The following MYO3B variants were observed in gnomAD, a reference collection of about 807,000 sequenced individuals.
MYO3B encodes myosin IIIB.
In MYO3B, 156 loss-of-function variants were observed where a neutral mutation model predicts 174.6. The observed-to-expected ratio is 0.89, with a 90% CI of 0.78 to 1.02. The LOEUF (loss-of-function observed/expected upper bound fraction) is 1.02. Ranked by LOEUF, MYO3B falls within the 50% of genes least tolerant of loss-of-function variation. MYO3B has a pLI of 0.00. For synonymous variants in MYO3B, 563 were observed against 569.1 expected, an observed-to-expected ratio of 0.99 and a Z score of 0.15; for missense variants, 1,632 against 1,639.4, an observed-to-expected ratio of 1.00 and a Z score of 0.08.
rs1230964612 is a variant in MYO3B at position 170,592,674 on chromosome 2, GGCA to G, written c.3733+48688_3733+48690del. ...CTTCACTGACCATAAGGTTCATGAG[GGCA>G]GGGCAGGGATCATGTACATTCTCTT... is the stretch of plus-strand genomic sequence containing the variant. On this transcript the variant is annotated intron_variant, in intron 32 of 34. Transcript: ENST00000408978. 5.3e-5 allele frequency among the ~76,000 whole-genome samples: 8 copies of G among 152,252 alleles called. No individual in the cohort carries two copies. The East Asian group carries it at 1.5e-3, about 29-fold the overall frequency.
intron 7 of MYO3B, among the ~76,000 whole-genome samples, chr2:170,250,588 TG>T (rs1348246604): frequency 1.3e-5 from 2 of 152,220 alleles, no homozygotes; most frequent in African/African-American, 4.8e-5. Context: ...TTGCCATCCA[TG>T]GATGGCTTAA....
intron 22 of MYO3B, among the ~76,000 whole-genome samples, chr2:170,429,250 T>C (rs1275817146): frequency 6.6e-6 from 1 of 152,240 alleles, no homozygotes; most frequent in Non-Finnish European, 1.5e-5. Flanking sequence ...GTAACTTCTC[T>C]GTATGAAACT....
At chr2:170,556,912 C>G (rs1431027024) in intron 32 of MYO3B, among the ~76,000 whole-genome samples, 2 of 152,202 alleles carry the variant, frequency 1.3e-5, no homozygotes, top group African/African-American at 2.4e-5. Flanking sequence ...CTTTTCACAG[C>G]TTATTTCTTT....
chr2:170,451,755 T>C (rs1446475383), intron 23 of MYO3B, among the ~76,000 whole-genome samples: 1 of 152,174 alleles, frequency 6.6e-6, no homozygotes, highest in Middle Eastern at 3.2e-3. Context: ...AATAGTTGGA[T>C]TACTGGCTTC....
At chr2:170,531,971 C>G (rs1689382512) in intron 30 of MYO3B, among the ~76,000 whole-genome samples, 1 of 152,200 alleles carries the variant, frequency 6.6e-6, no homozygotes, top group South Asian at 2.1e-4. Flanking sequence ...GAGTAATAAA[C>G]TATTTGCATA....
At chr2:170,637,672 A>G (rs370162359) in intron 32 of MYO3B, among the ~76,000 whole-genome samples, 60 of 152,350 alleles carry the variant, frequency 3.9e-4, no homozygotes, top group African/African-American at 1.4e-3. Flanking sequence ...CAAGGCAAAG[A>G]AATTTGGTAG....
intron 32 of MYO3B, among the ~76,000 whole-genome samples, chr2:170,614,014 G>A (rs977174315): frequency 6.6e-6 from 1 of 151,902 alleles, no homozygotes; most frequent in Non-Finnish European, 1.5e-5. Context: ...TACAAGTCCC[G>A]AACAAGCTCC....
At chr2:170,362,812 G>A (rs191557033) in intron 8 of MYO3B, among the ~76,000 whole-genome samples, 1 of 152,152 alleles carries the variant, frequency 6.6e-6, no homozygotes, top group Admixed American at 6.5e-5. Context: ...CACCAAACAG[G>A]GGGGTGATGT....
chr2:170,541,411 T>C (rs1690097153), intron 30 of MYO3B, among the ~76,000 whole-genome samples: 1 of 152,026 alleles, frequency 6.6e-6, no homozygotes, highest in African/African-American at 2.4e-5. Context: ...GGATTTGGAG[T>C]CAGACAAACA....
At chr2:170,403,350 C>T (rs1437620430) in intron 19 of MYO3B, among the ~76,000 whole-genome samples, 1 of 152,162 alleles carries the variant, frequency 6.6e-6, no homozygotes, top group Admixed American at 6.5e-5. Context: ...GACATAGGTT[C>T]TTAACTGCTA....
At chr2:170,310,686 A>AAAAAAAAG (rs1394362887) in intron 7 of MYO3B, among the ~76,000 whole-genome samples, 35 of 150,962 alleles carry the variant, frequency 2.3e-4, no homozygotes, top group African/African-American at 8.3e-4. Flanking sequence ...AAAAAAAAAA[A>AAAAAAAAG]AGAAATACAT....
At chr2:170,474,774 A>G (rs917645093) in intron 25 of MYO3B, among the ~76,000 whole-genome samples, 3 of 139,936 alleles carry the variant, frequency 2.1e-5, no homozygotes, top group Admixed American at 7.3e-5. Flanking sequence ...AAAAAAAAAA[A>G]AAAAAAAAAA....
At chr2:170,604,201 A>G (rs1694681084) in intron 32 of MYO3B, among the ~76,000 whole-genome samples, 2 of 152,202 alleles carry the variant, frequency 1.3e-5, no homozygotes, top group Non-Finnish European at 2.9e-5. Flanking sequence ...TCCATGTTAT[A>G]TTGAAATATG....
At position 170,349,806 on chromosome 2, in the gene MYO3B, AAAAAAAAG is replaced by A. The variant is rs1392847620; in HGVS notation, c.815+14360_815+14367del. The A allele has an allele frequency of 3.9e-5, 6 of 152,256 alleles. 1 individual carries two copies. Among genetic ancestry groups the A allele is most frequent in the Admixed American group, 1.3e-4 (2 of 15,190 alleles). 9.4% of individuals were successfully genotyped at this position (152,256 alleles called of 1,614,324 possible). ...GAATGAGACCCTGTCTCAAAAAAAA[AAAAAAAAG>A]AAAGAAAGAAAAAAATTATGCACCT... On this transcript the variant is annotated intron_variant, in intron 8 of 34. Coordinates refer to ENST00000408978, the MANE Select transcript of MYO3B (RefSeq NM_138995.5).
intron 7 of MYO3B, among the ~76,000 whole-genome samples, chr2:170,258,286 G>A (rs2093320135): frequency 6.6e-6 from 1 of 152,088 alleles, no homozygotes; most frequent in African/African-American, 2.4e-5. Context: ...CAGTATCCCT[G>A]ATGAATATAG....
chr2:170,353,799 A>G (rs2094097426), intron 8 of MYO3B, among the ~76,000 whole-genome samples: 1 of 152,272 alleles, frequency 6.6e-6, no homozygotes. Context: ...GGAATTTATT[A>G]TGAAAACAGG....
chr2:170,560,922 C>T (rs924841498), intron 32 of MYO3B, among the ~76,000 whole-genome samples: 1 of 152,148 alleles, frequency 6.6e-6, no homozygotes, highest in African/African-American at 2.4e-5. Flanking sequence ...TCTAAATCTC[C>T]GAGGGTCAGA....
At chr2:170,452,494 CT>C (rs1303903666) in intron 23 of MYO3B, among the ~76,000 whole-genome samples, 1 of 152,034 alleles carries the variant, frequency 6.6e-6, no homozygotes, top group East Asian at 1.9e-4. Context: ...AGATAAAGGC[CT>C]TTTAAGTATG....
intron 12 of MYO3B, 180 bp downstream of exon 12, chr2:170,383,994 A>C: frequency 3.7e-6 from 2 of 539,202 alleles, no homozygotes. Flanking sequence ...TAGCATCGGG[A>C]GAATGTGAAA....
Sources: allele counts gnomAD v4.1 joint callset (sites outside exome capture counted in the v4.1 genomes callset), GRCh38; gene constraint gnomAD v4.1.1; transcripts MANE v1.5; gene names NCBI Gene and HGNC (gene_info 2026-07-23, HGNC 2026-07-21).